Variants in LAP3 observed in about 807,000 individuals in gnomAD.
LAP3 encodes cytosol aminopeptidase.
Under a neutral mutation model 58.8 loss-of-function variants are expected in LAP3, and 46 were observed. That is an observed-to-expected ratio of 0.78 (90% CI 0.62 to 1.00). The LOEUF is 1.00. Among genes scored for constraint, LAP3 ranks in the 50% least tolerant of loss-of-function variants. The pLI is 0.00. For synonymous variants in LAP3, 257 were observed against 237.7 expected, an observed-to-expected ratio of 1.08 and a Z score of -0.75; for missense variants, 615 against 659.1, an observed-to-expected ratio of 0.93 and a Z score of 0.73.
At chr4:17,604,870 C>T (rs1031330996) in intron 11 of LAP3, among the ~76,000 whole-genome samples, 2 of 152,082 alleles carry the variant, frequency 1.3e-5, no homozygotes, top group Non-Finnish European at 2.9e-5. Flanking sequence ...GGATGATGCC[C>T]CCTGCTCCCC....
intron 10 of LAP3, among the ~76,000 whole-genome samples, chr4:17,600,338 G>T (rs1464704265): frequency 2.8e-5 from 4 of 141,146 alleles, no homozygotes; most frequent in Non-Finnish European, 1.5e-5. Context: ...TGGCATTATA[G>T]TGTTTTCATG....
At chr4:17,582,248 A>G in intron 3 of LAP3, 40 bp from the exon 4 acceptor site, 2 of 1,509,690 alleles carry the variant, frequency 1.3e-6, no homozygotes. Context: ...TGAATGCTTG[A>G]AAGAAATAAA....
intron 8 of LAP3, 149 bp from the exon 9 acceptor site, chr4:17,596,897 G>C: frequency 3.0e-6 from 2 of 655,862 alleles, no homozygotes; most frequent in Non-Finnish European, 5.6e-6. Context: ...CATCATGTCA[G>C]TTGTGTCATT....
chr4:17,604,837 T>G (rs1354277297), intron 11 of LAP3, among the ~76,000 whole-genome samples, 170 bp downstream of exon 11: 1 of 152,180 alleles, frequency 6.6e-6, no homozygotes, highest in Non-Finnish European at 1.5e-5. Context: ...CATTGGGTTT[T>G]CCACAAATGC....
At position 17,577,222 on chromosome 4, in the gene LAP3, A is replaced by ATGCGGGCGCACACGAC. The variant is rs1713213769; in HGVS notation, c.-229_-228insCTGCGGGCGCACACGA. On this transcript the variant is annotated 5_prime_UTR_variant, in exon 1 of 13. It introduces an in-frame stop codon into an upstream open reading frame of the 5' UTR. Transcript: ENST00000226299. ...CGCACACGAATGCGGGCGCACACGA[A>ATGCGGGCGCACACGAC]TGCGGGCGCACACGAATGCGGGCGC... is the stretch of plus-strand genomic sequence containing the variant. 12 of 357,832 alleles carry ATGCGGGCGCACACGAC rather than the reference A, an allele frequency of 3.4e-5. No individual in the cohort carries two copies. The highest frequency in any genetic ancestry group is 8.9e-5 in the African/African-American group (4 of 45,058). The allele number at this position is 357,832 out of a possible 1,614,324, so 22.2% of individuals were successfully genotyped here.
intron 11 of LAP3, among the ~76,000 whole-genome samples, chr4:17,604,993 CT>C (rs1714083615): frequency 6.6e-6 from 1 of 152,102 alleles, no homozygotes; most frequent in African/African-American, 2.4e-5. Context: ...GCGTTTGTGA[CT>C]GCGTGTCGTG....
intron 7 of LAP3, among the ~76,000 whole-genome samples, chr4:17,592,279 C>G (rs1713704357): frequency 6.6e-6 from 1 of 152,146 alleles, no homozygotes; most frequent in Admixed American, 6.5e-5. Flanking sequence ...CGATCATCTT[C>G]CTATTACTGC....
At chr4:17,603,736 A>G (rs1244002823) in intron 10 of LAP3, among the ~76,000 whole-genome samples, 3 of 150,048 alleles carry the variant, frequency 2.0e-5, no homozygotes, top group African/African-American at 7.4e-5. Flanking sequence ...CTCGTCTCAA[A>G]CTCCCAACCT....
rs1206061883 is a variant in LAP3 at position 17,582,314 on chromosome 4, C to T, written c.300C>T (p.Gly100=). 1.2e-6 allele frequency: 2 copies of T among 1,614,078 alleles called. No individual in the cohort carries two copies. Among genetic ancestry groups the T allele is most frequent in the Admixed American group, 1.7e-5 (1 of 60,006 alleles). The change falls in exon 4 of 13, where the codon GGC becomes GGT. Residue 100 remains glycine (G), a synonymous_variant. Coordinates refer to ENST00000226299, the MANE Select transcript of LAP3 (RefSeq NM_015907.3). ...HQDFPSVVLV[G]LGKKAAGIDE... is the part of the protein sequence containing the mutation. ...ACTTCCCCAGCGTGGTGCTAGTTGG[C>T]CTCGGCAAAAAGGCAGCTGGAATCG...
intron 10 of LAP3, among the ~76,000 whole-genome samples, chr4:17,599,500 C>T (rs1713935819): frequency 6.6e-6 from 1 of 152,096 alleles, no homozygotes; most frequent in Admixed American, 6.5e-5. Flanking sequence ...CATGCCACTG[C>T]ACTCCAGCTT....
rs1425387569 is a variant in LAP3 at position 17,607,418 on chromosome 4, A to C, written c.1389A>C (p.Thr463=). 1 of 1,613,590 alleles carries C rather than the reference A, an allele frequency of 6.2e-7. No homozygotes were observed. Among genetic ancestry groups the C allele is most frequent in the Non-Finnish European group, 8.5e-7 (1 of 1,179,864 alleles). The change falls in exon 13 of 13, where the codon ACA becomes ACC. Residue 463 remains threonine (T), a synonymous_variant. Transcript: ENST00000226299. ...TCTTCAGATCTGCAGGAGCATGTAC[A>C]GCTGCAGCATTCCTGAAAGAATTCG... ...IGKYRSAGAC[T]AAAFLKEFVT...
chr4:17,598,306 T>C (rs1560347469), intron 9 of LAP3, 150 bp from the exon 10 acceptor site: 1 of 692,086 alleles, frequency 1.4e-6, no homozygotes, highest in Non-Finnish European at 2.6e-6. Context: ...AGATTAGATA[T>C]GTTCCTATTC....
intron 2 of LAP3, 104 bp from the exon 3 acceptor site, chr4:17,581,656 A>G: frequency 1.3e-6 from 1 of 755,064 alleles, no homozygotes; most frequent in Non-Finnish European, 2.3e-6. Context: ...AGACCATGGA[A>G]GCAGTTAGCA....
At chr4:17,601,012 G>A (rs1713970773) in intron 10 of LAP3, among the ~76,000 whole-genome samples, 3 of 152,196 alleles carry the variant, frequency 2.0e-5, no homozygotes, top group Admixed American at 6.5e-5. Context: ...TTGAAAGGCA[G>A]GCCGTACCCC....
rs987452949 is a variant in LAP3 at position 17,603,576 on chromosome 4, C to T, written c.1181-1012C>T. On this transcript the variant is annotated intron_variant, in intron 10 of 12. Transcript: ENST00000226299. ...CTGGAGTGCAATGGTGCAATCTCGG[C>T]TCTCACCACAGCCTCTGCCTCCCAG... is the stretch of plus-strand genomic sequence containing the variant. 5.3e-5 allele frequency among the ~76,000 whole-genome samples: 8 copies of T among 150,950 alleles called. No individual in the cohort carries two copies. In the East Asian group the frequency reaches 1.6e-3, roughly 30 times the overall value.
intron 3 of LAP3, 43 bp from the exon 4 acceptor site, chr4:17,582,245 T>C: frequency 6.7e-7 from 1 of 1,495,214 alleles, no homozygotes; most frequent in South Asian, 1.1e-5. Flanking sequence ...AAATGAATGC[T>C]TGAAAGAAAT....
Position 17,585,973 on chromosome 4 carries a change from G to C in LAP3, c.704+837G>C, listed in dbSNP as rs182682741. On this transcript the variant is annotated intron_variant, in intron 6 of 12. Transcript: ENST00000226299. ...GAGGAACTTCACATGGCTTATTTTG[G>C]TGAATTATTCCTATCATCACTTTTG... 3.9e-5 allele frequency: 6 copies of C among 152,304 alleles called. No individual in the cohort carries two copies. The East Asian group carries it at 1.2e-3, about 29-fold the overall frequency. 9.4% of individuals were successfully genotyped at this position (152,304 alleles called of 1,614,324 possible).
chr4:17,603,211 C>T (rs934206159), intron 10 of LAP3, among the ~76,000 whole-genome samples: 5 of 151,584 alleles, frequency 3.3e-5, no homozygotes, highest in African/African-American at 9.7e-5. Context: ...CAGGATGCTG[C>T]GGGAGAGAAT....
chr4:17,598,370 A>G (rs3775928), intron 9 of LAP3, 86 bp from the exon 10 acceptor site: 35 of 982,800 alleles, frequency 3.6e-5, no homozygotes, highest in African/African-American at 6.4e-5. Context: ...GCTTTTTCCA[A>G]CTTTTCCGTC....
Sources: allele counts gnomAD v4.1 joint callset (sites outside exome capture counted in the v4.1 genomes callset), GRCh38; gene constraint gnomAD v4.1.1; transcripts MANE v1.5; gene names NCBI Gene and HGNC (gene_info 2026-07-23, HGNC 2026-07-21).